The following EIF3K variants were observed in gnomAD, a reference collection of about 807,000 sequenced individuals.
The protein encoded by EIF3K is eIF-3 p28.
In EIF3K, 27 loss-of-function variants were observed where a neutral mutation model predicts 34.2. The observed-to-expected ratio is 0.79, with a 90% CI of 0.58 to 1.09. The LOEUF (loss-of-function observed/expected upper bound fraction) is 1.09, where lower values mean the gene tolerates loss of function less well. Among genes scored for constraint, EIF3K ranks in the 50% least tolerant of loss-of-function variants. The pLI is 0.00. For synonymous variants in EIF3K, 105 were observed against 105.7 expected (o/e 0.99, Z 0.04); for missense variants, 232 against 275.4 (o/e 0.84, Z 1.11).
chr19:38,626,023 C>G lies in EIF3K; in HGVS notation c.280-5C>G, dbSNP rs1975942392. ...CCAGTTTTCCTTAATGCTTCCTCCT[C>G]CCAGCAAGAAGAACGGCCAATCCGA... On this transcript the variant is annotated splice_polypyrimidine_tract_variant and splice_region_variant and intron_variant, in intron 3 of 7. Transcript: ENST00000248342. 3 of 1,614,048 alleles carry G rather than the reference C, an allele frequency of 1.9e-6. No individual in the cohort carries two copies. The African/African-American group carries it at 4.0e-5, about 22-fold the overall frequency.
Position 38,620,407 on chromosome 19 carries a change from C to G in EIF3K, c.130C>G (p.Leu44Val). The part of the protein sequence containing the change: ...ETQAKENAYD[L>V]EANLAVLKLY... The stretch of plus-strand genomic sequence containing the variant: ...GCAGGCCAAGGAAAATGCCTATGAT[C>G]TGGAAGCCAACCTGGCTGTCCTGAA... Residue 44 changes from leucine to valine, a missense_variant, in exon 2 of 8, where the codon CTG becomes GTG. Physicochemically the swap from Leu to Val is conservative, Grantham distance 32. Transcript: ENST00000248342. The G allele has an allele frequency of 6.2e-7, 1 of 1,613,994 alleles. No individual in the cohort carries two copies. Among genetic ancestry groups the G allele is most frequent in the Non-Finnish European group, 8.5e-7 (1 of 1,179,986 alleles).
intron 7 of EIF3K, 171 bp downstream of exon 7, chr19:38,635,289 T>G (rs1183461209): frequency 3.3e-6 from 3 of 918,858 alleles, no homozygotes; most frequent in Non-Finnish European, 4.9e-6. Context: ...CCAGGAGGAA[T>G]AGCGGGGAGC....
At position 38,632,412 on chromosome 19, in the gene EIF3K, C is replaced by T. The variant is rs1976088990; in HGVS notation, c.355-18C>T. The T allele has an allele frequency of 6.2e-7, 1 of 1,608,748 alleles. No individual in the cohort carries two copies. The highest frequency in any genetic ancestry group is 1.3e-5 in the African/African-American group (1 of 74,786). ...AATTTAAAAGAATAAACATTGTGAA[C>T]ATCAATTCCCATCACAGCAAGCCCT... On this transcript the variant is annotated intron_variant, in intron 4 of 7. Transcript: ENST00000248342.
At position 38,620,446 on chromosome 19, in the gene EIF3K, A is replaced by G; in HGVS notation, c.158+11A>G. On this transcript the variant is annotated intron_variant, in intron 2 of 7. Coordinates refer to ENST00000248342, the MANE Select transcript of EIF3K (RefSeq NM_013234.4). Reference sequence around the variant, plus strand: ...GGCTGTCCTGAAGCTGTAAGTGTCTAGCTCTCTGTCTACACTCCCATTGCA... The same window carrying G: ...GGCTGTCCTGAAGCTGTAAGTGTCTGGCTCTCTGTCTACACTCCCATTGCA... 1.9e-6 allele frequency: 3 copies of G among 1,612,178 alleles called. No individual in the cohort carries two copies. Among genetic ancestry groups the G allele is most frequent in the East Asian group, 2.2e-5 (1 of 44,870 alleles).
intron 4 of EIF3K, 153 bp downstream of exon 4, chr19:38,626,255 C>G: frequency 1.4e-6 from 1 of 734,280 alleles, no homozygotes; most frequent in Admixed American, 2.2e-5. Context: ...CATCCTCTCG[C>G]GGAGCAGGTA....
chr19:38,622,397 C>T (rs980218957), intron 2 of EIF3K, among the ~76,000 whole-genome samples: 17 of 152,280 alleles, frequency 1.1e-4, no homozygotes, highest in African/African-American at 4.1e-4. Context: ...TCCGTGATGC[C>T]TCACAAGCCA....
intron 4 of EIF3K, among the ~76,000 whole-genome samples, chr19:38,630,332 T>A (rs144974227): frequency 0.014 from 2,069 of 144,902 alleles, 46 homozygotes; most frequent in African/African-American, 0.048. Flanking sequence ...GGTTTAATTA[T>A]TTATTTATTT....
At chr19:38,620,830 A>G (rs1455715825) in intron 2 of EIF3K, among the ~76,000 whole-genome samples, 1 of 151,798 alleles carries the variant, frequency 6.6e-6, no homozygotes, top group African/African-American at 2.4e-5. Context: ...GGAGGCGGAG[A>G]TTGTGGTGAA....
At chr19:38,630,751 A>C (rs1976047548) in intron 4 of EIF3K, 1 of 150,388 alleles carries the variant, frequency 6.6e-6, no homozygotes, top group Non-Finnish European at 1.5e-5. Flanking sequence ...ATCTCGGCTC[A>C]CCACAACCTC....
intron 1 of EIF3K, 33 bp from the exon 2 acceptor site, chr19:38,620,304 C>T (rs778636622): frequency 3.8e-6 from 6 of 1,598,642 alleles, no homozygotes; most frequent in East Asian, 4.5e-5. Flanking sequence ...GCTTCTGTCT[C>T]CTCTGTGCTC....
chr19:38,622,389 C>T (rs904594366), intron 2 of EIF3K, among the ~76,000 whole-genome samples: 3 of 152,048 alleles, frequency 2.0e-5, no homozygotes, highest in Non-Finnish European at 2.9e-5. Context: ...TGGTAGGATC[C>T]GTGATGCCTC....
At position 38,620,409 on chromosome 19, in the gene EIF3K, G is replaced by T. The variant is rs747845596; in HGVS notation, c.132G>T (p.Leu44=). 1.2e-6 allele frequency: 2 copies of T among 1,613,966 alleles called. No homozygotes were observed. The highest frequency in any genetic ancestry group is 1.1e-5 in the South Asian group (1 of 91,034). Residue 44 remains leucine (L), a synonymous_variant, in exon 2 of 8, where the codon CTG becomes CTT. Coordinates refer to ENST00000248342, the MANE Select transcript of EIF3K (RefSeq NM_013234.4). The part of the protein sequence containing the change: ...ETQAKENAYD[L]EANLAVLKLY... ...AGGCCAAGGAAAATGCCTATGATCTGGAAGCCAACCTGGCTGTCCTGAAGC... is the reference window on the plus strand; with the variant it reads ...AGGCCAAGGAAAATGCCTATGATCTTGAAGCCAACCTGGCTGTCCTGAAGC...
intron 3 of EIF3K, among the ~76,000 whole-genome samples, chr19:38,625,590 A>G (rs1321877598): frequency 3.4e-5 from 5 of 149,242 alleles, no homozygotes; most frequent in Admixed American, 6.7e-5. Context: ...GCTCACTACA[A>G]CCTCCTCCTC....
At chr19:38,631,472 A>G (rs994358806) in intron 4 of EIF3K, among the ~76,000 whole-genome samples, 4 of 152,198 alleles carry the variant, frequency 2.6e-5, no homozygotes, top group Non-Finnish European at 4.4e-5. Context: ...AAACATCTCA[A>G]TGCCTTGAAG....
At chr19:38,629,941 G>A (rs912690619) in intron 4 of EIF3K, among the ~76,000 whole-genome samples, 1 of 152,138 alleles carries the variant, frequency 6.6e-6, no homozygotes, top group African/African-American at 2.4e-5. Flanking sequence ...AGAAGCAAGG[G>A]GAGGTGGCTG....
rs1300894296 is a variant in EIF3K, at chr19:38,632,593, C to T, written c.422-8C>T. ...GCTGCTCACCGGTTTTGTCTCTGAC[C>T]TCCACAGTTATCTGCCATGTTGTGG... On this transcript the variant is annotated splice_polypyrimidine_tract_variant and splice_region_variant and intron_variant, in intron 5 of 7. Coordinates refer to ENST00000248342, the MANE Select transcript of EIF3K (RefSeq NM_013234.4). 7 of 1,613,550 alleles carry T rather than the reference C, an allele frequency of 4.3e-6. No homozygotes were observed. The African/African-American group carries it at 9.3e-5, about 22-fold the overall frequency.
intron 2 of EIF3K, among the ~76,000 whole-genome samples, chr19:38,622,369 C>T (rs1022163030): frequency 6.6e-6 from 1 of 152,174 alleles, no homozygotes; most frequent in African/African-American, 2.4e-5. Context: ...CCGGGGGAGA[C>T]ATCACACATT....
chr19:38,626,259 G>A (rs1975949851), intron 4 of EIF3K, 157 bp downstream of exon 4: 1 of 721,336 alleles, frequency 1.4e-6, no homozygotes, highest in Non-Finnish European at 2.4e-6. Context: ...CTCTCGCGGA[G>A]CAGGTACTCA....
intron 7 of EIF3K, chr19:38,635,709 A>G (rs1162523492): frequency 6.5e-6 from 1 of 152,938 alleles, no homozygotes; most frequent in Non-Finnish European, 1.5e-5. Context: ...GCAAAGAGCT[A>G]AGTGACCACA....
Sources: allele counts gnomAD v4.1 joint callset (sites outside exome capture counted in the v4.1 genomes callset), GRCh38; gene constraint gnomAD v4.1.1; transcripts MANE v1.5; gene names NCBI Gene and HGNC (gene_info 2026-07-23, HGNC 2026-07-21).